The following CYP7B1 variants were observed in gnomAD, a reference collection of about 807,000 sequenced individuals.
CYP7B1 encodes the protein cytochrome P450 7B1.
Under a neutral mutation model 42.7 loss-of-function variants are expected in CYP7B1, and 29 were observed. The observed-to-expected ratio is 0.68, with a 90% CI of 0.51 to 0.93. The LOEUF is 0.93. CYP7B1 is among the 40% of genes least tolerant of loss of function. The probability of loss-of-function intolerance (pLI) is 0.00; values close to 1 mark genes in which losing one functional copy is unlikely to be tolerated. For synonymous variants in CYP7B1, 235 were observed against 218.2 expected, an observed-to-expected ratio of 1.08 and a Z score of -0.68; for missense variants, 655 against 600.5, an observed-to-expected ratio of 1.09 and a Z score of -0.95.
intron 1 of CYP7B1, among the ~76,000 whole-genome samples, chr8:64,753,619 G>A (rs895643912): frequency 1.3e-5 from 2 of 152,144 alleles, no homozygotes; most frequent in South Asian, 2.1e-4. Context: ...CAAGACTCTC[G>A]CCCTCATGAG....
chr8:64,757,444 T>C (rs531290985), intron 1 of CYP7B1, among the ~76,000 whole-genome samples: 77 of 152,294 alleles, frequency 5.1e-4, no homozygotes, highest in African/African-American at 1.8e-3. Flanking sequence ...AAAAGGATAG[T>C]GAGAGGGAAA....
At chr8:64,778,624 ATAAT>A (rs1225562128) in intron 1 of CYP7B1, among the ~76,000 whole-genome samples, 1 of 152,124 alleles carries the variant, frequency 6.6e-6, no homozygotes, top group Admixed American at 6.6e-5. Context: ...TAAACTGTCT[ATAAT>A]TAATTCCCAG....
chr8:64,656,357 G>A (rs1485745045), intron 1 of CYP7B1, among the ~76,000 whole-genome samples: 2 of 152,200 alleles, frequency 1.3e-5, no homozygotes, highest in African/African-American at 2.4e-5. Flanking sequence ...GTCATGGGGG[G>A]TAGAGATGTG....
chr8:64,633,561 A>T (rs1805728071), intron 1 of CYP7B1, among the ~76,000 whole-genome samples: 1 of 152,204 alleles, frequency 6.6e-6, no homozygotes, highest in African/African-American at 2.4e-5. Flanking sequence ...CTTAGGTATA[A>T]ATCCAACAAA....
At chr8:64,729,106 A>T (rs1198705633) in intron 1 of CYP7B1, 1 of 152,260 alleles carries the variant, frequency 6.6e-6, no homozygotes, top group Non-Finnish European at 1.5e-5. Flanking sequence ...GCTGCAGACA[A>T]CTGTGAGAGT....
At chr8:64,589,328 A>C (rs1344860881), downstream of CYP7B1, among the ~76,000 whole-genome samples, 2 of 152,212 alleles carry the variant, frequency 1.3e-5, no homozygotes, top group Non-Finnish European at 2.9e-5. Flanking sequence ...TTCTTGAAAA[A>C]TAAAAACTGT....
chr8:64,759,529 T>A (rs116536852), intron 1 of CYP7B1, among the ~76,000 whole-genome samples: 2,331 of 152,282 alleles, frequency 0.015, 68 homozygotes, highest in African/African-American at 0.051. Context: ...AAGAGTAATA[T>A]GTCAAATTAC....
At chr8:64,736,497 C>T (rs1807489960) in intron 1 of CYP7B1, among the ~76,000 whole-genome samples, 1 of 152,202 alleles carries the variant, frequency 6.6e-6, no homozygotes, top group Admixed American at 6.6e-5. Context: ...GTTGCCCAGG[C>T]TGGAGTGCAG....
chr8:64,717,353 T>A (rs1168387186), intron 1 of CYP7B1, among the ~76,000 whole-genome samples: 1 of 152,232 alleles, frequency 6.6e-6, no homozygotes, highest in Non-Finnish European at 1.5e-5. Flanking sequence ...CATTTCAGAA[T>A]GTTGTGAAAA....
chr8:64,712,785 T>C (rs1357574683), intron 1 of CYP7B1, among the ~76,000 whole-genome samples: 3 of 151,310 alleles, frequency 2.0e-5, no homozygotes, highest in African/African-American at 7.3e-5. Flanking sequence ...ATATATTATA[T>C]ATATATAGTC....
Position 64,716,400 on chromosome 8 carries a change from T to C in CYP7B1, c.122+82066A>G, listed in dbSNP as rs116619347. ...CCCTAAACATTTATGGAAAATACTA[T>C]ATCAGACATAGTATCCCACTTCAGA... On this transcript the variant is annotated intron_variant, in intron 1 of 5. Coordinates refer to ENST00000310193, the MANE Select transcript of CYP7B1 (RefSeq NM_004820.5). Among the ~76,000 whole-genome samples the C allele has an allele frequency of 7.6e-3, 1,157 of 152,274 alleles. 14 individuals are homozygous for C. The highest frequency in any genetic ancestry group is 0.026 in the African/African-American group (1,097 of 41,550).
At chr8:64,720,894 T>C (rs1042177472) in intron 1 of CYP7B1, among the ~76,000 whole-genome samples, 1 of 152,100 alleles carries the variant, frequency 6.6e-6, no homozygotes, top group East Asian at 1.9e-4. Flanking sequence ...AATTATCTTT[T>C]TGATTTAATC....
chr8:64,720,352 A>T (rs1341496995), intron 1 of CYP7B1, among the ~76,000 whole-genome samples: 1 of 152,224 alleles, frequency 6.6e-6, no homozygotes, highest in African/African-American at 2.4e-5. Flanking sequence ...AAACAACACA[A>T]TAAAATGAAA....
At chr8:64,639,072 G>A (rs117323804) in intron 1 of CYP7B1, among the ~76,000 whole-genome samples, 1,636 of 151,806 alleles carry the variant, frequency 0.011, 15 homozygotes, top group Non-Finnish European at 0.018. Flanking sequence ...GATTTTCACA[G>A]ACTTTTATAC....
chr8:64,697,221 CCT>C (rs1352267312), intron 1 of CYP7B1, among the ~76,000 whole-genome samples: 2 of 152,082 alleles, frequency 1.3e-5, no homozygotes, highest in East Asian at 1.9e-4. Flanking sequence ...TCATTTTTCC[CCT>C]GAGAGTTTTG....
chr8:64,736,922 A>C (rs1807497320), intron 1 of CYP7B1, among the ~76,000 whole-genome samples: 1 of 152,076 alleles, frequency 6.6e-6, no homozygotes, highest in Non-Finnish European at 1.5e-5. Flanking sequence ...GAACTGTAAA[A>C]TCTCTAAGGA....
rs79999476 is a variant in CYP7B1 at position 64,632,818 on chromosome 8, T to C, written c.123-8279A>G. Among the ~76,000 whole-genome samples the C allele has an allele frequency of 1.2e-4, 19 of 152,188 alleles. 1 individual carries two copies. The highest frequency in any genetic ancestry group is 4.1e-4 in the African/African-American group (17 of 41,540). Reference sequence around the variant, plus strand: ...TGTCCCTCTCATCACTGCTATCCAATATCATTCTGGAAGTCCTAGCTAATG... The same window carrying C: ...TGTCCCTCTCATCACTGCTATCCAACATCATTCTGGAAGTCCTAGCTAATG... On this transcript the variant is annotated intron_variant, in intron 1 of 5. Transcript: ENST00000310193.
At position 64,615,891 on chromosome 8, in the gene CYP7B1, A is replaced by G. The variant is rs1245262159; in HGVS notation, c.650T>C (p.Leu217Ser). ...KFISELRDDFLKFDDKFAYLV... is the reference protein window; with the variant it reads ...KFISELRDDFSKFDDKFAYLV... ...ATATGCAAACTTGTCATCAAATTTT[A>G]AAAAATCATCTCTTAGCTCACTAAT... The change falls in exon 3 of 6, where the codon TTA becomes TCA. Residue 217 changes from leucine to serine, a missense_variant. Coordinates refer to ENST00000310193, the MANE Select transcript of CYP7B1 (RefSeq NM_004820.5). 3 of 1,613,558 alleles carry G rather than the reference A, an allele frequency of 1.9e-6. No individual in the cohort carries two copies. Among genetic ancestry groups the G allele is most frequent in the Admixed American group, 3.3e-5 (2 of 59,912 alleles).
At chr8:64,768,554 A>T (rs1804151641) in intron 1 of CYP7B1, among the ~76,000 whole-genome samples, 1 of 152,216 alleles carries the variant, frequency 6.6e-6, no homozygotes, top group South Asian at 2.1e-4. Flanking sequence ...AGTTATTCAC[A>T]TATGAGAGAA....
Sources: allele counts gnomAD v4.1 joint callset (sites outside exome capture counted in the v4.1 genomes callset), GRCh38; gene constraint gnomAD v4.1.1; transcripts MANE v1.5; gene names NCBI Gene and HGNC (gene_info 2026-07-23, HGNC 2026-07-21).